Variants in BBS12 observed in about 807,000 individuals in gnomAD.
The protein encoded by BBS12 is chaperonin-containing T-complex member BBS12.
In BBS12, 5 loss-of-function variants were observed where a neutral mutation model predicts 5.6. The observed-to-expected ratio is 0.89, with a 90% CI of 0.46 to 1.86. BBS12 has a LOEUF of 1.86. Among genes scored for constraint, BBS12 ranks in the 40% most tolerant of loss-of-function variants. BBS12 has a pLI of 0.01. For missense variants in BBS12, 748 were observed against 830.4 expected (o/e 0.90, Z 1.22); for synonymous variants, 308 against 306.8 (o/e 1.00, Z -0.04).
chr4:122,711,319 C>T, the BBS12 span, among the ~76,000 whole-genome samples: 14 of 150,832 alleles, frequency 9.3e-5, no homozygotes, highest in South Asian at 2.1e-4. Context: ...CATCTGATGC[C>T]GTTTAAATCA....
At chr4:122,717,055 T>C in the BBS12 span, among the ~76,000 whole-genome samples, 1 of 152,172 alleles carries the variant, frequency 6.6e-6, no homozygotes, top group Non-Finnish European at 1.5e-5. Flanking sequence ...TGCTCCATTG[T>C]ATGGGACCAA....
the BBS12 span, among the ~76,000 whole-genome samples, chr4:122,700,448 T>G: frequency 6.6e-6 from 1 of 152,236 alleles, no homozygotes; most frequent in Non-Finnish European, 1.5e-5. Context: ...CAGAGTCCCT[T>G]TCCTGCGTTG....
the BBS12 span, among the ~76,000 whole-genome samples, chr4:122,711,385 G>A: frequency 6.6e-6 from 1 of 151,768 alleles, no homozygotes; most frequent in Admixed American, 6.6e-5. Context: ...GGAAGTCACT[G>A]TGGATGTCAA....
upstream of BBS12, chr4:122,731,644 C>T (rs1006518744): frequency 2.6e-5 from 4 of 152,034 alleles, 1 homozygote; most frequent in African/African-American, 7.2e-5. Context: ...TTTTAAATTT[C>T]TTCTTTCTTT....
At chr4:122,716,426 T>A in the BBS12 span, among the ~76,000 whole-genome samples, 2 of 151,932 alleles carry the variant, frequency 1.3e-5, no homozygotes, top group Non-Finnish European at 2.9e-5. Flanking sequence ...GTCACTTTTA[T>A]GCAAAACAAT....
Position 122,739,742 on chromosome 4 carries a change from G to A in BBS12, c.-10-2141G>A, listed in dbSNP as rs1167051426. Among the ~76,000 whole-genome samples, 8 of 152,226 alleles carry A rather than the reference G, an allele frequency of 5.3e-5. No individual in the cohort carries two copies. In the East Asian group the frequency reaches 1.2e-3, roughly 22 times the overall value. On this transcript the variant is annotated intron_variant, in intron 1 of 1. Coordinates refer to ENST00000314218, the MANE Select transcript of BBS12 (RefSeq NM_152618.3). ...TCCTCATTAACTATTTGTTGGGTGA[G>A]TATAAGGGCGAAGCTCAGTGGCAGT...
the BBS12 span, among the ~76,000 whole-genome samples, chr4:122,711,727 T>C: frequency 6.6e-6 from 1 of 152,238 alleles, no homozygotes; most frequent in African/African-American, 2.4e-5. Flanking sequence ...GTCAAAACGA[T>C]TACCTTGCTG....
intron 1 of BBS12, among the ~76,000 whole-genome samples, chr4:122,740,160 T>C (rs1406998095): frequency 2.0e-5 from 3 of 151,944 alleles, no homozygotes; most frequent in Non-Finnish European, 4.4e-5. Flanking sequence ...GTAGTCCCAG[T>C]TACTTGGGAG....
rs1578492068 is a variant in BBS12, at chr4:122,743,705, A to C, written c.1813A>C (p.Asn605His). 1 of 1,614,204 alleles carries C rather than the reference A, an allele frequency of 6.2e-7. No homozygotes were observed. Among genetic ancestry groups the C allele is most frequent in the Admixed American group, 1.7e-5 (1 of 60,032 alleles). ...GAAATACCTTTCAACTCTCCTATAT[A>C]ACACTGCCAATTACTCATCAGAATT... Reference protein sequence around the residue: ...WQKYLSTLLYNTANYSSEFEA... With the variant: ...WQKYLSTLLYHTANYSSEFEA... The change falls in exon 2 of 2, where the codon AAC (asparagine) becomes CAC (histidine). Residue 605 changes from asparagine (N) to histidine (H), a missense_variant. By Grantham distance (68) the Asn-to-His change is moderately conservative. Coordinates refer to ENST00000314218, the MANE Select transcript of BBS12 (RefSeq NM_152618.3).
intron 1 of BBS12, among the ~76,000 whole-genome samples, chr4:122,741,333 C>T (rs572300978): frequency 6.6e-5 from 10 of 152,260 alleles, no homozygotes; most frequent in East Asian, 3.9e-4. Context: ...ACTACAGGTG[C>T]GTGCCACCAC....
At chr4:122,736,972 T>TG (rs1479260369) in intron 1 of BBS12, among the ~76,000 whole-genome samples, 1 of 152,236 alleles carries the variant, frequency 6.6e-6, no homozygotes, top group Non-Finnish European at 1.5e-5. Flanking sequence ...ATATTGATTT[T>TG]GATATCAGTT....
At chr4:122,721,696 T>TTC in the BBS12 span, among the ~76,000 whole-genome samples, 1 of 152,208 alleles carries the variant, frequency 6.6e-6, no homozygotes, top group Admixed American at 6.5e-5. Flanking sequence ...GTGGTCTTTC[T>TTC]ATATAGCTCC....
chr4:122,741,163 G>A (rs1271455218), intron 1 of BBS12, among the ~76,000 whole-genome samples: 1 of 152,058 alleles, frequency 6.6e-6, no homozygotes, highest in East Asian at 1.9e-4. Context: ...ATCTGCTACT[G>A]TTCTCCACTA....
At chr4:122,719,270 A>G in the BBS12 span, among the ~76,000 whole-genome samples, 2 of 152,140 alleles carry the variant, frequency 1.3e-5, no homozygotes, top group Non-Finnish European at 1.5e-5. Context: ...AAATGCACCA[A>G]TCAGCACTCT....
intron 1 of BBS12, among the ~76,000 whole-genome samples, chr4:122,741,392 G>A (rs977504186): frequency 6.6e-6 from 1 of 152,120 alleles, no homozygotes; most frequent in African/African-American, 2.4e-5. Context: ...TCGCCATATT[G>A]GCCAGGCTGG....
At chr4:122,722,954 T>C in the BBS12 span, among the ~76,000 whole-genome samples, 2 of 152,334 alleles carry the variant, frequency 1.3e-5, no homozygotes, top group African/African-American at 4.8e-5. Context: ...TTAACTGATG[T>C]TTATAGGTTT....
the BBS12 span, among the ~76,000 whole-genome samples, chr4:122,723,282 T>C: frequency 6.6e-6 from 1 of 152,204 alleles, no homozygotes; most frequent in Non-Finnish European, 1.5e-5. Flanking sequence ...TTGGAAGCGT[T>C]ATCTCTTTTT....
At chr4:122,730,818 AC>A (rs1190099782), upstream of BBS12, 2 of 152,170 alleles carry the variant, frequency 1.3e-5, no homozygotes, top group African/African-American at 4.8e-5. Flanking sequence ...AGCAAAATCT[AC>A]CTGAAGTTCA....
At chr4:122,724,492 A>T in the BBS12 span, among the ~76,000 whole-genome samples, 1 of 152,214 alleles carries the variant, frequency 6.6e-6, no homozygotes, top group African/African-American at 2.4e-5. Flanking sequence ...AACCCTTCTT[A>T]TCTGACATAT....
Sources: gnomAD v4.1 joint callset for allele counts (sites outside exome capture counted in the v4.1 genomes callset) on GRCh38, gnomAD v4.1.1 for gene constraint, MANE v1.5 for transcripts, NCBI Gene and HGNC (gene_info 2026-07-23, HGNC 2026-07-21) for gene names.